RDX: variants seen among roughly 807,000 people sequenced by gnomAD.
The protein encoded by RDX is radixin, also known as deafness, autosomal recessive 24.
A neutral mutation model predicts 83.7 loss-of-function variants in RDX; 32 were observed. That is an observed-to-expected ratio of 0.38 (90% confidence interval 0.29 to 0.51). RDX has a LOEUF of 0.51. RDX is among the 20% of genes least tolerant of loss of function. The pLI is 0.87. For synonymous variants in RDX, 229 were observed against 222.7 expected, an observed-to-expected ratio of 1.03 and a Z score of -0.25; for missense variants, 600 against 689.9, an observed-to-expected ratio of 0.87 and a Z score of 1.46.
At chr11:110,276,319 T>C (rs1441220210) in intron 2 of RDX, among the ~76,000 whole-genome samples, 1 of 152,196 alleles carries the variant, frequency 6.6e-6, no homozygotes, top group Non-Finnish European at 1.5e-5. Context: ...ACAAATCAAG[T>C]ATCTGCATAA....
chr11:110,278,404 C>A (rs921264873), intron 2 of RDX, among the ~76,000 whole-genome samples: 1 of 152,064 alleles, frequency 6.6e-6, no homozygotes, highest in Non-Finnish European at 1.5e-5. Context: ...ATAAAGATCT[C>A]TATACATATT....
At chr11:110,222,669 G>A (rs569079853) in intron 14 of RDX, among the ~76,000 whole-genome samples, 1 of 152,128 alleles carries the variant, frequency 6.6e-6, no homozygotes, top group South Asian at 2.1e-4. Flanking sequence ...GGTGGCGGAC[G>A]CCTGTAGTCC....
intron 1 of RDX, among the ~76,000 whole-genome samples, chr11:110,295,029 T>C (rs1236400645): frequency 4.6e-5 from 7 of 152,224 alleles, no homozygotes; most frequent in Admixed American, 3.3e-4. Context: ...AGAAAGTCAC[T>C]GCAATCGTCT....
intron 14 of RDX, among the ~76,000 whole-genome samples, chr11:110,219,328 C>A (rs910364201): frequency 5.3e-5 from 8 of 152,136 alleles, no homozygotes; most frequent in African/African-American, 1.4e-4. Flanking sequence ...CCAAGAGCTT[C>A]GGCAGGGACC....
intron 13 of RDX, 35 bp from the exon 14 acceptor site, chr11:110,232,068 T>C (rs1864659931): frequency 6.5e-7 from 1 of 1,535,102 alleles, no homozygotes; most frequent in African/African-American, 1.4e-5. Flanking sequence ...CTATTATTTT[T>C]TTCTTAGATT....
At chr11:110,265,578 A>G (rs1035667812) in intron 3 of RDX, among the ~76,000 whole-genome samples, 2 of 151,970 alleles carry the variant, frequency 1.3e-5, no homozygotes, top group African/African-American at 4.8e-5. Flanking sequence ...CTATTGGTAT[A>G]TTTAGGGCAA....
intron 3 of RDX, among the ~76,000 whole-genome samples, chr11:110,270,738 T>C (rs1860270809): frequency 6.6e-6 from 1 of 152,206 alleles, no homozygotes; most frequent in Non-Finnish European, 1.5e-5. Context: ...CACTGCCCTA[T>C]AATAAATGGT....
intron 3 of RDX, 101 bp downstream of exon 3, chr11:110,272,435 C>T: frequency 2.5e-6 from 2 of 788,094 alleles, no homozygotes; most frequent in South Asian, 2.9e-5. Context: ...AAGTGGTACA[C>T]TGTTGGATTA....
intron 14 of RDX, among the ~76,000 whole-genome samples, chr11:110,204,221 A>C (rs1347955455): frequency 6.6e-6 from 1 of 152,068 alleles, no homozygotes; most frequent in Admixed American, 6.6e-5. Context: ...AAATTATTAG[A>C]AACGGTGAGA....
At chr11:110,292,376 T>TA (rs1174876119) in intron 1 of RDX, among the ~76,000 whole-genome samples, 2 of 151,810 alleles carry the variant, frequency 1.3e-5, no homozygotes, top group Non-Finnish European at 2.9e-5. Context: ...GGGAGGAACT[T>TA]AAAGGATCAC....
At chr11:110,294,265 CA>C (rs1861356548) in intron 1 of RDX, among the ~76,000 whole-genome samples, 1 of 152,200 alleles carries the variant, frequency 6.6e-6, no homozygotes, top group African/African-American at 2.4e-5. Context: ...CATGGTGGCG[CA>C]CGCCTGTAGT....
At chr11:110,291,494 C>A (rs28528876) in intron 1 of RDX, among the ~76,000 whole-genome samples, 6,480 of 152,206 alleles carry the variant, frequency 0.043, 466 homozygotes, top group African/African-American at 0.15. Context: ...CAATGAGGCT[C>A]GAAAGACATC....
At chr11:110,215,370 AAATAAATAAATAAAT>A (rs1864007048) in intron 14 of RDX, among the ~76,000 whole-genome samples, 4 of 43,848 alleles carry the variant, frequency 9.1e-5, no homozygotes, top group Admixed American at 7.8e-4. Context: ...CTCAAAAAAT[AAATAAATAAATAAAT>A]AAATAAATAA....
chr11:110,243,171 T>A (rs1409461660), intron 10 of RDX, among the ~76,000 whole-genome samples: 1 of 152,126 alleles, frequency 6.6e-6, no homozygotes, highest in African/African-American at 2.4e-5. Flanking sequence ...GAATTTTGAA[T>A]GAGGGATGCT....
At chr11:110,204,654 T>C (rs917919955) in intron 14 of RDX, among the ~76,000 whole-genome samples, 4 of 151,832 alleles carry the variant, frequency 2.6e-5, no homozygotes, top group Admixed American at 1.3e-4. Flanking sequence ...GTAGCTGCGA[T>C]TACAGGCACA....
chr11:110,292,887 C>T (rs1341292006), intron 1 of RDX, among the ~76,000 whole-genome samples: 4 of 152,120 alleles, frequency 2.6e-5, no homozygotes, highest in Non-Finnish European at 5.9e-5. Context: ...ATTTCCCACA[C>T]CAAATTATAA....
intron 14 of RDX, among the ~76,000 whole-genome samples, chr11:110,219,756 T>G (rs1037575654): frequency 6.6e-6 from 1 of 152,200 alleles, no homozygotes; most frequent in Admixed American, 6.5e-5. Flanking sequence ...AGGGAAGATC[T>G]TGAGTTTAAC....
chr11:110,260,856 T>A (rs1859775022), intron 5 of RDX, among the ~76,000 whole-genome samples: 1 of 152,198 alleles, frequency 6.6e-6, no homozygotes, highest in South Asian at 2.1e-4. Flanking sequence ...AATAATACAC[T>A]AATACACTAC....
chr11:110,257,652 T>C (rs772914306), intron 7 of RDX, 115 bp downstream of exon 7: 20 of 1,069,202 alleles, frequency 1.9e-5, no homozygotes, highest in African/African-American at 1.4e-4. Context: ...ATCTTTTAGT[T>C]TGAAAATAGT....
Sources: allele counts gnomAD v4.1 joint callset (sites outside exome capture counted in the v4.1 genomes callset), GRCh38; gene constraint gnomAD v4.1.1; transcripts MANE v1.5; gene names NCBI Gene and HGNC (gene_info 2026-07-23, HGNC 2026-07-21).